SMYD3: variants seen among roughly 807,000 people sequenced by gnomAD.
SMYD3 encodes the protein SET and MYND domain containing 3.
Under a neutral mutation model 57.7 loss-of-function variants are expected in SMYD3, and 36 were observed. That is an observed-to-expected ratio of 0.62 (90% CI 0.48 to 0.82). SMYD3 has a LOEUF of 0.82. Ranked by LOEUF, SMYD3 falls within the 40% of genes least tolerant of loss-of-function variation. The pLI, the probability that SMYD3 is intolerant of heterozygous loss-of-function variation, is 0.00. For missense variants in SMYD3, 515 were observed against 538.8 expected (o/e 0.96, Z 0.44); for synonymous variants, 211 against 195.0 (o/e 1.08, Z -0.68).
intron 10 of SMYD3, among the ~76,000 whole-genome samples, chr1:245,822,169 C>T (rs1309176645): frequency 9.9e-5 from 15 of 152,110 alleles, no homozygotes; most frequent in Non-Finnish European, 1.5e-4. Flanking sequence ...AATGATAGAT[C>T]GGATTAAGAA....
chr1:245,949,825 A>AACCCCCCCCCCC (rs2057559888), intron 5 of SMYD3, among the ~76,000 whole-genome samples: 1 of 93,306 alleles, frequency 1.1e-5, no homozygotes, highest in Non-Finnish European at 1.9e-5. Context: ...AAAGAAACCC[A>AACCCCCCCCCCC]CCCCCCCCAC....
chr1:246,342,286 C>G (rs2065644772), intron 2 of SMYD3, among the ~76,000 whole-genome samples: 1 of 152,142 alleles, frequency 6.6e-6, no homozygotes. Flanking sequence ...CACTCACAAA[C>G]AATCATCTAC....
At chr1:246,409,361 A>T (rs550233186) in intron 1 of SMYD3, among the ~76,000 whole-genome samples, 53 of 152,310 alleles carry the variant, frequency 3.5e-4, no homozygotes, top group Non-Finnish European at 6.0e-4. Context: ...TATAAGGTGT[A>T]AGGAAGGGAT....
rs546780601 is a variant in SMYD3, at chr1:246,010,093, AAAAC to A, written c.532-80160_532-80157del. Among the ~76,000 whole-genome samples, 553 of 145,892 alleles carry A rather than the reference AAAAC, an allele frequency of 3.8e-3. 3 individuals are homozygous for A. The highest frequency in any genetic ancestry group is 0.013 in the African/African-American group (523 of 39,116). On this transcript the variant is annotated intron_variant, in intron 5 of 11. Coordinates refer to ENST00000490107, the MANE Select transcript of SMYD3 (RefSeq NM_001167740.2). ...GCAACAGAGCAAGACTCCATCTCAAAAAACAAACAAACAAAACAAAAACAAAAAA... is the reference window on the plus strand; with the variant it reads ...GCAACAGAGCAAGACTCCATCTCAAAAAACAAACAAAACAAAAACAAAAAA...
At chr1:246,080,463 TC>T (rs774945194) in intron 5 of SMYD3, among the ~76,000 whole-genome samples, 5 of 152,064 alleles carry the variant, frequency 3.3e-5, no homozygotes, top group Non-Finnish European at 7.4e-5. Flanking sequence ...CCTAAAACCA[TC>T]CATCCCCTCC....
At chr1:245,807,679 A>G (rs2048254193) in intron 10 of SMYD3, among the ~76,000 whole-genome samples, 1 of 152,162 alleles carries the variant, frequency 6.6e-6, no homozygotes, top group Admixed American at 6.5e-5. Flanking sequence ...CATTAATAAC[A>G]AAACAACACT....
chr1:245,899,445 C>A (rs1012365050), intron 8 of SMYD3, among the ~76,000 whole-genome samples: 1 of 152,078 alleles, frequency 6.6e-6, no homozygotes, highest in African/African-American at 2.4e-5. Context: ...AAAACAGGAG[C>A]GGGGAGGGGC....
chr1:246,223,236 TCA>T (rs2063282611), intron 5 of SMYD3, among the ~76,000 whole-genome samples: 1 of 152,246 alleles, frequency 6.6e-6, no homozygotes, highest in Admixed American at 6.5e-5. Flanking sequence ...GTATGACCAC[TCA>T]CAACTGATTC....
intron 10 of SMYD3, among the ~76,000 whole-genome samples, chr1:245,791,596 G>T (rs1013402386): frequency 7.2e-6 from 1 of 139,664 alleles, no homozygotes; most frequent in African/African-American, 2.6e-5. Flanking sequence ...AAGGAATGGG[G>T]GGAGAGGACG....
At chr1:246,392,888 G>A (rs1285808628) in intron 1 of SMYD3, among the ~76,000 whole-genome samples, 1 of 151,080 alleles carries the variant, frequency 6.6e-6, no homozygotes, top group Non-Finnish European at 1.5e-5. Flanking sequence ...ATAGAAACAT[G>A]TTCAACATCA....
At chr1:246,384,689 A>G (rs935080106) in intron 1 of SMYD3, among the ~76,000 whole-genome samples, 1 of 152,154 alleles carries the variant, frequency 6.6e-6, no homozygotes, top group Admixed American at 6.5e-5. Flanking sequence ...GAGCCACTGC[A>G]CCTGGTCTAA....
chr1:245,857,142 T>C (rs2051286975), intron 10 of SMYD3, among the ~76,000 whole-genome samples: 1 of 152,192 alleles, frequency 6.6e-6, no homozygotes, highest in Admixed American at 6.5e-5. Flanking sequence ...CAGTCTGGAT[T>C]CCAAAGCTGT....
At chr1:246,026,612 C>T (rs1348170150) in intron 5 of SMYD3, among the ~76,000 whole-genome samples, 1 of 152,192 alleles carries the variant, frequency 6.6e-6, no homozygotes, top group Admixed American at 6.5e-5. Flanking sequence ...GACATTACTA[C>T]TGTAATTGTT....
intron 5 of SMYD3, among the ~76,000 whole-genome samples, chr1:246,076,002 C>G (rs114217392): frequency 0.014 from 2,101 of 145,252 alleles, 45 homozygotes; most frequent in African/African-American, 0.05. Context: ...AGATAATATA[C>G]AATAAAAATT....
At chr1:245,882,733 C>A (rs2052856812) in intron 8 of SMYD3, among the ~76,000 whole-genome samples, 1 of 152,004 alleles carries the variant, frequency 6.6e-6, no homozygotes, top group South Asian at 2.1e-4. Context: ...CCACATTGCA[C>A]CAGTTAATAA....
At chr1:245,789,133 T>C (rs1224660041) in intron 10 of SMYD3, among the ~76,000 whole-genome samples, 3 of 152,158 alleles carry the variant, frequency 2.0e-5, no homozygotes, top group Admixed American at 2.0e-4. Context: ...CTTAATGAAA[T>C]GTAGGTATGA....
At chr1:246,192,326 A>C (rs1294919907) in intron 5 of SMYD3, among the ~76,000 whole-genome samples, 2 of 152,316 alleles carry the variant, frequency 1.3e-5, no homozygotes, top group East Asian at 1.9e-4. Context: ...TAATTGAAGA[A>C]ATTGGCAAAA....
chr1:246,057,326 T>C (rs2060168991), intron 5 of SMYD3, among the ~76,000 whole-genome samples: 2 of 152,182 alleles, frequency 1.3e-5, no homozygotes, highest in Non-Finnish European at 2.9e-5. Context: ...CATGCAGAAC[T>C]GAAAAAGAAA....
intron 5 of SMYD3, among the ~76,000 whole-genome samples, chr1:245,933,443 C>T (rs1416068): frequency 0.99 from 150,673 of 152,334 alleles, 74,540 homozygotes; most frequent in Middle Eastern, 1. Context: ...TATTTACTTT[C>T]TGTAATTTTT....
Sources: gnomAD v4.1 joint callset for allele counts (sites outside exome capture counted in the v4.1 genomes callset) on GRCh38, gnomAD v4.1.1 for gene constraint, MANE v1.5 for transcripts, NCBI Gene and HGNC (gene_info 2026-07-23, HGNC 2026-07-21) for gene names.